Variants in NLRP3 observed in about 807,000 individuals in gnomAD.
The protein encoded by NLRP3 is NLR family pyrin domain containing 3.
In NLRP3, 48 loss-of-function variants were observed where a neutral mutation model predicts 91.3. The observed-to-expected ratio is 0.53, with a 90% confidence interval of 0.42 to 0.67. The LOEUF is 0.67. Among genes scored for constraint, NLRP3 ranks in the 30% least tolerant of loss-of-function variants. The pLI is 0.00. For synonymous variants in NLRP3, 561 were observed against 507.9 expected, an observed-to-expected ratio of 1.10 and a Z score of -1.41; for missense variants, 982 against 1,276.9, an observed-to-expected ratio of 0.77 and a Z score of 3.52.
At chr1:247,431,317 G>A (rs1349460035) in intron 5 of NLRP3, among the ~76,000 whole-genome samples, 1 of 152,196 alleles carries the variant, frequency 6.6e-6, no homozygotes, top group African/African-American at 2.4e-5. Context: ...CTCTGTGGAC[G>A]CATGCAGGCG....
At chr1:247,417,809 C>T (rs1411711105) in intron 1 of NLRP3, among the ~76,000 whole-genome samples, 1 of 152,150 alleles carries the variant, frequency 6.6e-6, no homozygotes, top group Non-Finnish European at 1.5e-5. Flanking sequence ...CCAGCTTCAT[C>T]TCACTTCAAT....
chr1:247,425,038 T>A lies in NLRP3; in HGVS notation c.1589T>A (p.Met530Lys). The A allele has an allele frequency of 6.2e-7, 1 of 1,614,170 alleles. No homozygotes were observed. The highest frequency in any genetic ancestry group is 8.5e-7 in the Non-Finnish European group (1 of 1,180,032). ...HMTFQEFFAA[M>K]YYLLEEEKEG... is the part of the protein sequence containing the mutation. ...ACTTTCCAGGAGTTCTTTGCCGCCATGTACTACCTGCTGGAAGAGGAAAAG... is the reference window on the plus strand; with the variant it reads ...ACTTTCCAGGAGTTCTTTGCCGCCAAGTACTACCTGCTGGAAGAGGAAAAG... Residue 530 changes from methionine to lysine, a missense_variant, in exon 4 of 10, where the codon ATG becomes AAG. Met to Lys is a moderately conservative substitution (Grantham distance 95, BLOSUM62 -1). Around this residue, in one of 5 missense-constraint regions of NLRP3, gnomAD observed 548 missense variants for 713.7 expected, o/e 0.77. Coordinates refer to ENST00000336119, the MANE Select transcript of NLRP3 (RefSeq NM_001243133.2). The surrounding 1 kb of genome is among the most constrained non-coding windows in gnomAD (Gnocchi z 4.1).
At chr1:247,436,164 C>T (rs1380974883) in intron 7 of NLRP3, 24 bp downstream of exon 7, 2 of 1,612,384 alleles carry the variant, frequency 1.2e-6, no homozygotes, top group South Asian at 1.1e-5. Context: ...GGTGTCTTAC[C>T]AGAAAAGTAA....
At chr1:247,439,044 C>CTAT (rs1166144766) in intron 7 of NLRP3, among the ~76,000 whole-genome samples, 1 of 142,640 alleles carries the variant, frequency 7.0e-6, no homozygotes, top group African/African-American at 2.7e-5. Flanking sequence ...ATCCATCCAT[C>CTAT]CATCCATCCA....
Position 247,425,044 on chromosome 1 carries a change from A to C in NLRP3, c.1595A>C (p.Tyr532Ser). The C allele has an allele frequency of 6.2e-7, 1 of 1,614,132 alleles. No individual in the cohort carries two copies. The highest frequency in any genetic ancestry group is 8.5e-7 in the Non-Finnish European group (1 of 1,180,040). The change falls in exon 4 of 10, where the codon TAC (tyrosine) becomes TCC (serine). Residue 532 changes from tyrosine to serine, a missense_variant. Coordinates refer to ENST00000336119, the MANE Select transcript of NLRP3 (RefSeq NM_001243133.2). This position sits in a 1 kb window ranked among gnomAD's most constrained non-coding sequence, Gnocchi z 4.1. ...TFQEFFAAMY[Y>S]LLEEEKEGRT... ...CAGGAGTTCTTTGCCGCCATGTACT[A>C]CCTGCTGGAAGAGGAAAAGGAAGGA...
chr1:247,418,703 G>A lies in NLRP3; in HGVS notation c.-98G>A, dbSNP rs962755170. 1.4e-6 allele frequency: 2 copies of A among 1,399,944 alleles called. No individual in the cohort carries two copies. The highest frequency in any genetic ancestry group is 2.8e-5 in the African/African-American group (2 of 70,536). 86.7% of individuals were successfully genotyped at this position (1,399,944 alleles called of 1,614,324 possible). ...TTTGATAATTTATATCTCTCAAAGT[G>A]GAGACTTTAAAAAAGACTCATCCGT... is the stretch of plus-strand genomic sequence containing the variant. On this transcript the variant is annotated 5_prime_UTR_variant, in exon 2 of 10. Coordinates refer to ENST00000336119, the MANE Select transcript of NLRP3 (RefSeq NM_001243133.2).
chr1:247,422,187 T>A (rs1398336962), intron 2 of NLRP3, among the ~76,000 whole-genome samples: 1 of 152,022 alleles, frequency 6.6e-6, no homozygotes, highest in South Asian at 2.1e-4. Flanking sequence ...GAGACCAGCC[T>A]GGGCAACATA....
At chr1:247,419,954 A>G (rs946458749) in intron 2 of NLRP3, among the ~76,000 whole-genome samples, 4 of 152,252 alleles carry the variant, frequency 2.6e-5, no homozygotes, top group African/African-American at 9.6e-5. Flanking sequence ...TTTCTGAATC[A>G]TACGGTAATT....
chr1:247,433,224 AG>A lies in NLRP3; in HGVS notation c.2322-878del, dbSNP rs983498862. On this transcript the variant is annotated intron_variant, in intron 5 of 9. Transcript: ENST00000336119. ...CCTGTCTTTAAAAAAAGAAAAGAAA[AG>A]AAAAGAAAAAGAATCAGAGCTGCTT... 1.3e-4 allele frequency among the ~76,000 whole-genome samples: 19 copies of A among 151,910 alleles called. No individual in the cohort carries two copies. In the South Asian group the frequency reaches 2.3e-3, roughly 18 times the overall value.
rs200089426 is a variant in NLRP3 at position 247,425,348 on chromosome 1, C to T, written c.1899C>T (p.Tyr633=). 6.3e-5 allele frequency: 101 copies of T among 1,614,034 alleles called. No individual in the cohort carries two copies. Among genetic ancestry groups the T allele is most frequent in the Non-Finnish European group, 8.1e-5 (96 of 1,180,042 alleles). Residue 633 remains tyrosine (Y), a synonymous_variant, in exon 4 of 10, where the codon TAC becomes TAT. Transcript: ENST00000336119. The surrounding 1 kb of genome is among the most constrained non-coding windows in gnomAD (Gnocchi z 4.1). ...AGCTGGAATTGTTCTACTGTTTGTA[C>T]GAGATGCAGGAGGAGGACTTCGTGC... ...PSQLELFYCL[Y]EMQEEDFVQR...
intron 2 of NLRP3, among the ~76,000 whole-genome samples, chr1:247,420,447 C>A (rs989593321): frequency 6.6e-6 from 1 of 151,602 alleles, no homozygotes; most frequent in African/African-American, 2.4e-5. Context: ...GGCATGGTGG[C>A]TCATGCCTGT....
chr1:247,430,064 T>C (rs1319313350), intron 5 of NLRP3, among the ~76,000 whole-genome samples: 1 of 151,838 alleles, frequency 6.6e-6, no homozygotes, highest in African/African-American at 2.4e-5. Context: ...TTAGTAGAGA[T>C]GGGGTTTCAT....
Position 247,448,611 on chromosome 1 carries a change from A to G in NLRP3, c.*107A>G. On this transcript the variant is annotated 3_prime_UTR_variant, in exon 10 of 10. Coordinates refer to ENST00000336119, the MANE Select transcript of NLRP3 (RefSeq NM_001243133.2). The stretch of plus-strand genomic sequence containing the variant: ...TCCAGGCCAAGACCACAGCTCTGTG[A>G]TCCTTCCGGTGGAGTGTCGGAGAAG... 1.3e-6 allele frequency: 1 copy of G among 768,946 alleles called. No homozygotes were observed. Among genetic ancestry groups the G allele is most frequent in the Non-Finnish European group, 2.4e-6 (1 of 420,304 alleles). 47.6% of individuals were successfully genotyped at this position (768,946 alleles called of 1,614,324 possible).
intron 7 of NLRP3, among the ~76,000 whole-genome samples, chr1:247,438,169 T>TA (rs1663928330): frequency 6.6e-6 from 1 of 152,134 alleles, no homozygotes. Flanking sequence ...GCTGGGTCCT[T>TA]ATAGGTCGTA....
rs184042335 is a variant in NLRP3 at position 247,423,220 on chromosome 1, T to C, written c.278-10T>C. 6 of 1,614,016 alleles carry C rather than the reference T, an allele frequency of 3.7e-6. No homozygotes were observed. In the African/African-American group the frequency reaches 4.0e-5, roughly 11 times the overall value. ...GTTCTGGGTTTTGACACCTTTTTTT[T>C]CCCTTTTAGGTTCAGATAATGCACG... On this transcript the variant is annotated splice_polypyrimidine_tract_variant and intron_variant, in intron 2 of 9. Transcript: ENST00000336119.
chr1:247,447,028 A>T (rs555286305), intron 9 of NLRP3, among the ~76,000 whole-genome samples: 10 of 152,360 alleles, frequency 6.6e-5, no homozygotes, highest in African/African-American at 2.4e-4. Flanking sequence ...GCCCTGAGGG[A>T]CATTCTGGAC....
At chr1:247,438,786 C>A (rs180672827) in intron 7 of NLRP3, among the ~76,000 whole-genome samples, 195 of 152,316 alleles carry the variant, frequency 1.3e-3, no homozygotes, top group Middle Eastern at 3.4e-3. Context: ...ACCCAGATAT[C>A]ATTCACAAAC....
rs947273189 is a variant in NLRP3, at chr1:247,424,173, G to A, written c.724G>A (p.Ala242Thr). The change falls in exon 4 of 10, where the codon GCG (alanine) becomes ACG (threonine). Residue 242 changes from alanine to threonine, a missense_variant. Physicochemically the swap from Ala to Thr is moderately conservative, Grantham distance 58. This residue lies in a region of NLRP3 where 548 missense variants were observed against 713.7 expected (regional missense o/e 0.77). Coordinates refer to ENST00000336119, the MANE Select transcript of NLRP3 (RefSeq NM_001243133.2). The surrounding 1 kb of genome is among the most constrained non-coding windows in gnomAD (Gnocchi z 8.1). The part of the protein sequence containing the change: ...ILARKMMLDW[A>T]SGTLYQDRFD... ...GGCCAGGAAGATGATGTTGGACTGG[G>A]CGTCGGGGACACTCTACCAAGACAG... The A allele has an allele frequency of 2.5e-6, 4 of 1,613,954 alleles. No individual in the cohort carries two copies. Among genetic ancestry groups the A allele is most frequent in the Non-Finnish European group, 3.4e-6 (4 of 1,180,016 alleles).
At chr1:247,421,484 A>G (rs1009890952) in intron 2 of NLRP3, among the ~76,000 whole-genome samples, 8 of 152,214 alleles carry the variant, frequency 5.3e-5, no homozygotes, top group African/African-American at 1.9e-4. Flanking sequence ...TCATTGTGTC[A>G]GTACTTATAT....
Sources: gnomAD v4.1 joint callset for allele counts (sites outside exome capture counted in the v4.1 genomes callset) on GRCh38, gnomAD v4.1.1 for gene constraint, gnomAD v4.1.1 regional missense constraint, Gnocchi (gnomAD v3.1) non-coding constraint, MANE v1.5 for transcripts, NCBI Gene and HGNC (gene_info 2026-07-23, HGNC 2026-07-21) for gene names.